CDH4: variants seen among roughly 807,000 people sequenced by gnomAD.
CDH4 encodes cadherin-4.
A neutral mutation model predicts 86.0 loss-of-function variants in CDH4; 33 were observed. That is an observed-to-expected ratio of 0.38 (90% CI 0.29 to 0.51). CDH4 has a LOEUF of 0.51. Ranked by LOEUF, CDH4 falls within the 20% of genes least tolerant of loss-of-function variation. The pLI is 0.86. For synonymous variants in CDH4, 555 were observed against 549.4 expected, an observed-to-expected ratio of 1.01 and a Z score of -0.14; for missense variants, 1,114 against 1,307.4, an observed-to-expected ratio of 0.85 and a Z score of 2.28.
chr20:61,331,382 G>A (rs1465189507), intron 2 of CDH4, among the ~76,000 whole-genome samples: 1 of 152,042 alleles, frequency 6.6e-6, no homozygotes, highest in East Asian at 1.9e-4. Flanking sequence ...TAGCCTCTGT[G>A]TCCAGTCCCT....
rs760331135 is a variant in CDH4 at position 61,536,047 on chromosome 20, C to A, written c.170-207516C>A. Among the ~76,000 whole-genome samples, 14 of 149,184 alleles carry A rather than the reference C, an allele frequency of 9.4e-5. No homozygotes were observed. The South Asian group carries it at 3.0e-3, about 32-fold the overall frequency. On this transcript the variant is annotated intron_variant, in intron 2 of 15. Transcript: ENST00000614565. The stretch of plus-strand genomic sequence containing the variant: ...TGCACTTCTTATGGCATTAGGAGTG[C>A]CCCCGGAGCCCCACCAGAGCCTGGA...
intron 4 of CDH4, among the ~76,000 whole-genome samples, chr20:61,782,257 C>T (rs1978588185): frequency 6.6e-6 from 1 of 152,006 alleles, no homozygotes; most frequent in African/African-American, 2.4e-5. Flanking sequence ...TGCAGTGAGC[C>T]GAGATCACGC....
At chr20:61,864,726 G>T (rs942628874) in intron 6 of CDH4, among the ~76,000 whole-genome samples, 3 of 152,176 alleles carry the variant, frequency 2.0e-5, no homozygotes, top group African/African-American at 7.2e-5. Flanking sequence ...CCAGCTTCCC[G>T]GGCAGACCCT....
intron 2 of CDH4, chr20:61,718,816 T>C: frequency 2.1e-6 from 1 of 471,162 alleles, no homozygotes; most frequent in South Asian, 1.6e-5. Flanking sequence ...GCACCCACCA[T>C]CCCGGGCTCC....
chr20:61,703,367 G>A lies in CDH4; in HGVS notation c.170-40196G>A, dbSNP rs1161086978. On this transcript the variant is annotated intron_variant, in intron 2 of 15. Coordinates refer to ENST00000614565, the MANE Select transcript of CDH4 (RefSeq NM_001794.5). This position sits in a 1 kb window ranked among gnomAD's most constrained non-coding sequence, Gnocchi z 4.3. ...TGGAGAAAATAGGCCTGGCAGGATG[G>A]ACACAGTTGATACTCGAGCGTGAAT... Among the ~76,000 whole-genome samples the A allele has an allele frequency of 1.3e-5, 2 of 152,198 alleles. No individual in the cohort carries two copies. The highest frequency in any genetic ancestry group is 4.8e-5 in the African/African-American group (2 of 41,440).
chr20:61,620,202 A>ATGGATGGACGGATGGATGGATGGATGGG (rs2086761994), intron 2 of CDH4, among the ~76,000 whole-genome samples: 1 of 143,144 alleles, frequency 7.0e-6, no homozygotes, highest in African/African-American at 2.8e-5. Context: ...GGATGGATGG[A>ATGGATGGACGGATGGATGGATGGATGGG]TGGACAGACA....
intron 2 of CDH4, among the ~76,000 whole-genome samples, chr20:61,567,852 G>A (rs1358978944): frequency 2.0e-5 from 3 of 152,080 alleles, no homozygotes; most frequent in Non-Finnish European, 2.9e-5. Context: ...ACACACCTGT[G>A]GTCTCAGCTG....
intron 2 of CDH4, among the ~76,000 whole-genome samples, chr20:61,559,283 A>G (rs937869072): frequency 2.0e-5 from 3 of 152,104 alleles, no homozygotes; most frequent in Non-Finnish European, 4.4e-5. Context: ...GTGCCACTGC[A>G]CTCCAGCCTG....
chr20:61,748,380 C>G (rs1054332331), intron 3 of CDH4, among the ~76,000 whole-genome samples: 2 of 152,178 alleles, frequency 1.3e-5, no homozygotes. Flanking sequence ...ATCTGCCTGC[C>G]TCGGCCTCCC....
chr20:61,552,114 AAAAT>A (rs1042494470), intron 2 of CDH4, among the ~76,000 whole-genome samples: 17 of 152,374 alleles, frequency 1.1e-4, no homozygotes, highest in Admixed American at 2.6e-4. Context: ...AGGCAAGCAA[AAAAT>A]AAATAAACAG....
At chr20:61,777,384 C>T (rs1478923199) in intron 4 of CDH4, among the ~76,000 whole-genome samples, 4 of 152,244 alleles carry the variant, frequency 2.6e-5, no homozygotes, top group Non-Finnish European at 5.9e-5. Flanking sequence ...TGTCCTGGCT[C>T]TCAGAGTCCC....
In CDH4 at chr20:61,367,169, C is replaced by A. The variant is rs1386208695; in HGVS notation, c.169+112232C>A. Among the ~76,000 whole-genome samples, 4 of 152,212 alleles carry A rather than the reference C, an allele frequency of 2.6e-5. 1 individual carries two copies. The highest frequency in any genetic ancestry group is 2.0e-4 in the Admixed American group (3 of 15,288). ...GCCAAAGCAGCCACCAGAGCCGTCACTTCCCCCAGGCCAGGGTGGGACAGG... is the reference window on the plus strand; with the variant it reads ...GCCAAAGCAGCCACCAGAGCCGTCAATTCCCCCAGGCCAGGGTGGGACAGG... On this transcript the variant is annotated intron_variant, in intron 2 of 15. Transcript: ENST00000614565.
intron 2 of CDH4, among the ~76,000 whole-genome samples, chr20:61,655,467 C>G (rs866028542): frequency 6.6e-6 from 1 of 152,224 alleles, no homozygotes; most frequent in African/African-American, 2.4e-5. Context: ...AAACGGCCAT[C>G]GTTCCAGGCA....
At chr20:61,545,712 A>C (rs2086073470) in intron 2 of CDH4, among the ~76,000 whole-genome samples, 1 of 151,702 alleles carries the variant, frequency 6.6e-6, no homozygotes, top group Admixed American at 6.6e-5. Context: ...AGCGGGCAGG[A>C]GGCAGCTTTG....
rs541739180 is a variant in CDH4 at position 61,624,844 on chromosome 20, C to T, written c.170-118719C>T. 1.0e-3 allele frequency among the ~76,000 whole-genome samples: 155 copies of T among 152,286 alleles called. 1 individual carries two copies. Among genetic ancestry groups the T allele is most frequent in the African/African-American group, 3.5e-3 (146 of 41,546 alleles). On this transcript the variant is annotated intron_variant, in intron 2 of 15. Transcript: ENST00000614565. ...GCTGGCATGGGGGATAGTACAGACC[C>T]GCTCGGAGAGCCCCTCACCGCCTGC...
intron 13 of CDH4, among the ~76,000 whole-genome samples, chr20:61,932,695 C>T (rs899661714): frequency 2.6e-5 from 4 of 152,188 alleles, no homozygotes; most frequent in Non-Finnish European, 1.5e-5. Flanking sequence ...CCTACATCCA[C>T]GACTCCTGCG....
intron 2 of CDH4, among the ~76,000 whole-genome samples, chr20:61,682,462 GGGATGGATGGATGGACAGATGGAT>G (rs1345287237): frequency 6.8e-6 from 1 of 147,790 alleles, no homozygotes; most frequent in Non-Finnish European, 1.5e-5. Flanking sequence ...GAGGGAGGGA[GGGATGGATGGATGGACAGATGGAT>G]GGATGGATGG....
Position 61,923,659 on chromosome 20 carries a change from C to T in CDH4, c.1583C>T (p.Thr528Met), listed in dbSNP as rs770187642. ...EGVPPGTVLT[T>M]FSAVDPDRFM... ...GTGCCCCCCGGCACCGTGCTGACCA[C>T]GTTTTCAGCTGTGGACCCTGACCGG... The change falls in exon 10 of 16, where the codon ACG becomes ATG. Residue 528 changes from threonine to methionine, a missense_variant. This residue lies in a region of CDH4 where 705 missense variants were observed against 914.1 expected (regional missense o/e 0.77). Transcript: ENST00000614565. 8.7e-6 allele frequency: 14 copies of T among 1,613,932 alleles called. No homozygotes were observed. Among genetic ancestry groups the T allele is most frequent in the East Asian group, 4.5e-5 (2 of 44,892 alleles).
chr20:61,704,818 C>CA lies in CDH4; in HGVS notation c.170-38744dup, dbSNP rs542102273. On this transcript the variant is annotated intron_variant, in intron 2 of 15. Coordinates refer to ENST00000614565, the MANE Select transcript of CDH4 (RefSeq NM_001794.5). The stretch of plus-strand genomic sequence containing the variant: ...GGCATTTAGCAGCATCTCTGGCATC[C>CA]ACTCAGGAGATGCCAGTAGCACCAC... 1.2e-3 allele frequency among the ~76,000 whole-genome samples: 188 copies of CA among 152,280 alleles called. 3 individuals carry two copies. In the South Asian group the frequency reaches 0.038, roughly 31 times the overall value.
Sources: gnomAD v4.1 joint callset for allele counts (sites outside exome capture counted in the v4.1 genomes callset) on GRCh38, gnomAD v4.1.1 for gene constraint, gnomAD v4.1.1 regional missense constraint, Gnocchi (gnomAD v3.1) non-coding constraint, MANE v1.5 for transcripts, NCBI Gene and HGNC (gene_info 2026-07-23, HGNC 2026-07-21) for gene names.